RIF1: variants seen among roughly 807,000 people sequenced by gnomAD.
The protein encoded by RIF1 is replication timing regulatory factor 1.
A neutral mutation model predicts 247.1 loss-of-function variants in RIF1; 45 were observed. The ratio of observed to expected loss-of-function variants is 0.18; its 90% CI spans 0.14 to 0.23. RIF1 has a LOEUF of 0.23. Ranked by LOEUF, RIF1 falls within the 10% of genes least tolerant of loss-of-function variation. RIF1 has a pLI of 1.00. For synonymous variants in RIF1, 1,087 were observed against 978.8 expected (o/e 1.11, Z -2.06); for missense variants, 2,967 against 2,862.5 (o/e 1.04, Z -0.83).
chr2:151,481,147 TTTAAA>T lies in RIF1; in HGVS notation c.*6077_*6081del, dbSNP rs1180269230. 3.3e-5 allele frequency: 5 copies of T among 152,226 alleles called. No individual in the cohort carries two copies. Among genetic ancestry groups the T allele is most frequent in the African/African-American group, 1.2e-4 (5 of 41,458 alleles). 9.4% of individuals were successfully genotyped at this position (152,226 alleles called of 1,614,324 possible). ...CAACAGTCAAAATACTGCCTGGCCT[TTTAAA>T]GAGTTTGTCAATCCCTTTTATGGAG... On this transcript the variant is annotated 3_prime_UTR_variant, in exon 36 of 36. Transcript: ENST00000444746.
rs1328966559 is a variant in RIF1, at chr2:151,468,073, T to C, written c.6674T>C (p.Ile2225Thr). Residue 2225 changes from isoleucine to threonine, a missense_variant, in exon 31 of 36, where the codon ATT (isoleucine) becomes ACT (threonine). By Grantham distance (89) the Ile-to-Thr change is moderately conservative. This residue lies in a region of RIF1 where 2,028 missense variants were observed against 1,825.6 expected (regional missense o/e 1.11). Coordinates refer to ENST00000444746, the MANE Select transcript of RIF1 (RefSeq NM_018151.5). Reference protein sequence around the residue: ...LADDIDRRCSIVRSHSSNSSP... With the variant: ...LADDIDRRCSTVRSHSSNSSP... Reference sequence around the variant, plus strand: ...GATGACATTGATAGACGGTGCTCTATTGTTAGGTCCCATTCTTCCAATAGT... The same window carrying C: ...GATGACATTGATAGACGGTGCTCTACTGTTAGGTCCCATTCTTCCAATAGT... The C allele has an allele frequency of 1.2e-6, 2 of 1,613,794 alleles. No individual in the cohort carries two copies. Among genetic ancestry groups the C allele is most frequent in the East Asian group, 2.2e-5 (1 of 44,828 alleles).
chr2:151,486,182 A>C (rs371724109), downstream of RIF1: 86 of 452,362 alleles, frequency 1.9e-4, 1 homozygote, highest in East Asian at 2.4e-3. Flanking sequence ...CCACCAAAAG[A>C]GGCAAAGGAT....
chr2:151,483,377 A>G (rs1225463619), downstream of RIF1: 1 of 152,180 alleles, frequency 6.6e-6, no homozygotes, highest in Non-Finnish European at 1.5e-5. Flanking sequence ...AGAGTCCTTT[A>G]TAAGATACAC....
chr2:151,410,252 G>A, intron 1 of RIF1, 162 bp from the exon 2 acceptor site: 2 of 643,890 alleles, frequency 3.1e-6, no homozygotes, highest in Non-Finnish European at 5.5e-6. Context: ...GCCGGAGGAG[G>A]TTCGCGCTGG....
At chr2:151,443,353 A>T (rs1376457306) in intron 17 of RIF1, 24 bp downstream of exon 17, 2 of 1,491,432 alleles carry the variant, frequency 1.3e-6, no homozygotes, top group South Asian at 1.2e-5. Context: ...TTAACTTGAA[A>T]CTTTGTCTTG....
chr2:151,436,389 A>G (rs1318574129), intron 11 of RIF1, among the ~76,000 whole-genome samples: 1 of 152,036 alleles, frequency 6.6e-6, no homozygotes, highest in East Asian at 1.9e-4. Flanking sequence ...AAATTTAAAA[A>G]TTAACTGAGC....
chr2:151,474,594 T>A (rs571124303), intron 35 of RIF1, among the ~76,000 whole-genome samples: 1 of 152,302 alleles, frequency 6.6e-6, no homozygotes, highest in Admixed American at 6.5e-5. Context: ...GAGAATGGCT[T>A]GAACCTATGA....
rs193242935 is a variant in RIF1, at chr2:151,420,047, A to G, written c.504-143A>G. The G allele has an allele frequency of 1.0e-4, 64 of 641,812 alleles. No individual in the cohort carries two copies. The East Asian group carries it at 1.3e-3, about 13-fold the overall frequency. 39.8% of individuals were successfully genotyped at this position (641,812 alleles called of 1,614,324 possible). ...GTGCAAATTCGTAAAAATAAGATCT[A>G]TTTCTTGTGTGTATATGCATATTTG... is the stretch of plus-strand genomic sequence containing the variant. On this transcript the variant is annotated intron_variant, in intron 6 of 35. Transcript: ENST00000444746.
At chr2:151,529,330 C>T in the RIF1 span, 3 of 1,523,866 alleles carry the variant, frequency 2.0e-6, no homozygotes, top group African/African-American at 1.4e-5. Flanking sequence ...GGAGGAAACA[C>T]AGTGACAAGA....
At chr2:151,531,948 A>G in the RIF1 span, 1 of 1,166,644 alleles carries the variant, frequency 8.6e-7, no homozygotes, top group Non-Finnish European at 1.3e-6. Flanking sequence ...AGTGGGCTTT[A>G]AGGTATCTAA....
At chr2:151,503,727 A>G (rs576098387) in intron 12 of RIF1, among the ~76,000 whole-genome samples, 1 of 152,350 alleles carries the variant, frequency 6.6e-6, no homozygotes, top group African/African-American at 2.4e-5. Flanking sequence ...AGAAAAATCT[A>G]ACCATTTTGT....
At chr2:151,485,723 T>A, downstream of RIF1, 1 of 1,566,852 alleles carries the variant, frequency 6.4e-7, no homozygotes, top group East Asian at 2.3e-5. Context: ...CTGCAGGATC[T>A]GTAAGTCCTG....
chr2:151,497,702 T>G (rs1356282657), intron 10 of RIF1: 5 of 1,578,976 alleles, frequency 3.2e-6, no homozygotes. Flanking sequence ...CTTGCCCATG[T>G]TTTCTTTGTA....
chr2:151,485,669 T>G (rs908181333), downstream of RIF1: 5 of 1,269,316 alleles, frequency 3.9e-6, no homozygotes, highest in East Asian at 2.4e-5. Flanking sequence ...CATAGGCAGC[T>G]TGAGAACTTA....
Position 151,410,419 on chromosome 2 carries a change from C to T in RIF1, c.-5C>T, listed in dbSNP as rs1685938829. 6.2e-6 allele frequency: 10 copies of T among 1,612,094 alleles called. No homozygotes were observed. The highest frequency in any genetic ancestry group is 8.5e-6 in the Non-Finnish European group (10 of 1,179,272). On this transcript the variant is annotated 5_prime_UTR_variant, in exon 2 of 36. Coordinates refer to ENST00000444746, the MANE Select transcript of RIF1 (RefSeq NM_018151.5). ...TCTTCCGGTTCGGGCCTCAGGGTGGCCGACATGACGGCCAGGGGTCAGAGC... is the reference window on the plus strand; with the variant it reads ...TCTTCCGGTTCGGGCCTCAGGGTGGTCGACATGACGGCCAGGGGTCAGAGC...
At chr2:151,456,488 CTT>C in intron 22 of RIF1, 88 bp from the exon 23 acceptor site, 1 of 716,194 alleles carries the variant, frequency 1.4e-6, no homozygotes. Context: ...TTTATTATGT[CTT>C]TATTACCTTT....
At chr2:151,482,561 T>TGACC (rs1374579324), downstream of RIF1, among the ~76,000 whole-genome samples, 2 of 152,126 alleles carry the variant, frequency 1.3e-5, no homozygotes, top group African/African-American at 4.8e-5. Flanking sequence ...ACTGCCAGGC[T>TGACC]AGTCACCAGA....
chr2:151,529,136 T>A, the RIF1 span: 1 of 961,494 alleles, frequency 1.0e-6, no homozygotes, highest in East Asian at 2.4e-5. Flanking sequence ...CCTGAAGAGA[T>A]GTAAAAAGAG....
intron 20 of RIF1, among the ~76,000 whole-genome samples, chr2:151,447,248 C>CT (rs1365935588): frequency 1.3e-5 from 2 of 152,150 alleles, no homozygotes; most frequent in Non-Finnish European, 2.9e-5. Flanking sequence ...CGGCCTCTTT[C>CT]TTTCCCTCCT....
Sources: allele counts gnomAD v4.1 joint callset (sites outside exome capture counted in the v4.1 genomes callset), GRCh38; gene constraint gnomAD v4.1.1; regional missense constraint gnomAD v4.1.1; transcripts MANE v1.5; gene names NCBI Gene and HGNC (gene_info 2026-07-23, HGNC 2026-07-21).